Variants in DPP6 observed in about 807,000 individuals in gnomAD.
DPP6 encodes the protein dipeptidyl peptidase like 6, also known as A-type potassium channel modulatory protein DPP6.
In DPP6, 69 loss-of-function variants were observed where a neutral mutation model predicts 122.6. That is an observed-to-expected ratio of 0.56 (90% CI 0.46 to 0.69). The LOEUF is 0.69. Among genes scored for constraint, DPP6 ranks in the 30% least tolerant of loss-of-function variants. DPP6 has a pLI of 0.00. For synonymous variants in DPP6, 418 were observed against 433.1 expected (o/e 0.97, Z 0.43); for missense variants, 928 against 1,116.9 (o/e 0.83, Z 2.41).
In DPP6 at chr7:154,889,268, G is replaced by A. The variant is rs1215019213; in HGVS notation, c.2305-4G>A. On this transcript the variant is annotated splice_region_variant and splice_polypyrimidine_tract_variant and intron_variant, in intron 23 of 25. Coordinates refer to ENST00000377770, the MANE Select transcript of DPP6 (RefSeq NM_130797.4). ...ACTCTGTCCCCTTGCCCCCGCATGTGCAGATGACCAAGGTAGCCCATCGAG... is the reference window on the plus strand; with the variant it reads ...ACTCTGTCCCCTTGCCCCCGCATGTACAGATGACCAAGGTAGCCCATCGAG... 1.7e-5 allele frequency: 27 copies of A among 1,612,242 alleles called. No homozygotes were observed. Among genetic ancestry groups the A allele is most frequent in the Non-Finnish European group, 2.0e-5 (24 of 1,179,474 alleles).
At chr7:154,264,069 A>G (rs1803209562) in intron 1 of DPP6, among the ~76,000 whole-genome samples, 1 of 152,150 alleles carries the variant, frequency 6.6e-6, no homozygotes, top group East Asian at 1.9e-4. Flanking sequence ...TTACATGGCC[A>G]ACTAGAGTTC....
intron 1 of DPP6, among the ~76,000 whole-genome samples, chr7:154,168,038 C>G: frequency 6.6e-6 from 1 of 152,144 alleles, no homozygotes. Context: ...CTGTTAGATT[C>G]AATTGAGGCA....
At chr7:153,858,326 G>A in the DPP6 span, among the ~76,000 whole-genome samples, 1 of 152,188 alleles carries the variant, frequency 6.6e-6, no homozygotes, top group South Asian at 2.1e-4. Context: ...TCACCCAGGG[G>A]ATTGGTTCTG....
intron 16 of DPP6, chr7:154,838,675 C>T (rs1801279959): frequency 6.6e-6 from 1 of 152,244 alleles, no homozygotes; most frequent in African/African-American, 2.4e-5. Context: ...CCTAAGGACG[C>T]ACGTGCAAGA....
At chr7:154,705,417 G>A (rs1002096580) in intron 7 of DPP6, among the ~76,000 whole-genome samples, 4 of 152,086 alleles carry the variant, frequency 2.6e-5, no homozygotes, top group African/African-American at 4.8e-5. Flanking sequence ...TGTTCATCTC[G>A]CTCTCTTCCA....
intron 17 of DPP6, among the ~76,000 whole-genome samples, chr7:154,862,055 A>T (rs760846125): frequency 3.3e-5 from 5 of 152,136 alleles, no homozygotes; most frequent in African/African-American, 9.7e-5. Flanking sequence ...AAATCAAAGG[A>T]TGACAAGCCG....
intron 1 of DPP6, among the ~76,000 whole-genome samples, chr7:154,315,018 A>T (rs6464404): frequency 6.6e-6 from 1 of 151,666 alleles, no homozygotes; most frequent in East Asian, 1.9e-4. Context: ...TGCTGGATGC[A>T]TGAGGTTGTT....
At chr7:154,563,922 C>A (rs1249609367) in intron 4 of DPP6, among the ~76,000 whole-genome samples, 1 of 152,066 alleles carries the variant, frequency 6.6e-6, no homozygotes, top group Non-Finnish European at 1.5e-5. Flanking sequence ...GTTTTTAGAA[C>A]CATGAGACTG....
In DPP6 at chr7:154,282,825, C is replaced by T. The variant is rs147785172; in HGVS notation, c.244-163389C>T. 3.7e-3 allele frequency among the ~76,000 whole-genome samples: 568 copies of T among 152,186 alleles called. 5 individuals are homozygous for T. The highest frequency in any genetic ancestry group is 0.033 in the East Asian group (173 of 5,174). On this transcript the variant is annotated intron_variant, in intron 1 of 25. Transcript: ENST00000377770. This position sits in a 1 kb window ranked among gnomAD's most constrained non-coding sequence, Gnocchi z 4.8. ...GGGTTTAGAAATAACCACAAATAGG[C>T]CCATTTATAACAAGAGGTTGAAGGA...
In DPP6 at chr7:154,052,645, G is replaced by A; in HGVS notation, c.-176G>A. On this transcript the variant is annotated 5_prime_UTR_variant, in exon 1 of 26. Transcript: ENST00000377770. The surrounding 1 kb of genome is among the most constrained non-coding windows in gnomAD (Gnocchi z 4.8). Reference sequence around the variant, plus strand: ...GGCAGAGTCGCCAGCGGAGACTCGCGAGTGGCGCGCGGGAGGAGCGGCCGC... The same window carrying A: ...GGCAGAGTCGCCAGCGGAGACTCGCAAGTGGCGCGCGGGAGGAGCGGCCGC... 1 of 1,262,792 alleles carries A rather than the reference G, an allele frequency of 7.9e-7. No individual in the cohort carries two copies. The highest frequency in any genetic ancestry group is 3.4e-5 in the Admixed American group (1 of 29,598). 78.2% of individuals were successfully genotyped at this position (1,262,792 alleles called of 1,614,324 possible).
chr7:154,705,172 G>T (rs566738465), intron 7 of DPP6, among the ~76,000 whole-genome samples: 77 of 152,302 alleles, frequency 5.1e-4, no homozygotes, highest in African/African-American at 1.8e-3. Context: ...TGTAGCCAAA[G>T]AAGTGGATAT....
intron 1 of DPP6, among the ~76,000 whole-genome samples, chr7:154,138,672 TAAC>T (rs1795699345): frequency 6.6e-6 from 1 of 151,588 alleles, no homozygotes; most frequent in Admixed American, 6.6e-5. Flanking sequence ...CTAGGTGAAA[TAAC>T]AAAGGCTGGA....
chr7:153,905,812 A>G (rs1409714084), intron 1 of DPP6, among the ~76,000 whole-genome samples: 2 of 152,158 alleles, frequency 1.3e-5, no homozygotes, highest in South Asian at 2.1e-4. Flanking sequence ...CGTGGGAGCA[A>G]TGGGGAGGAC....
chr7:154,738,364 A>G (rs1842664790), intron 8 of DPP6, among the ~76,000 whole-genome samples: 1 of 152,198 alleles, frequency 6.6e-6, no homozygotes, highest in South Asian at 2.1e-4. Flanking sequence ...TGTTTCTGGT[A>G]CTGATTCCCA....
intron 3 of DPP6, among the ~76,000 whole-genome samples, chr7:154,497,173 C>T (rs908892480): frequency 3.3e-5 from 5 of 152,164 alleles, no homozygotes; most frequent in Admixed American, 6.5e-5. Flanking sequence ...TCACATCTGA[C>T]AGACTAAAAA....
intron 16 of DPP6, among the ~76,000 whole-genome samples, chr7:154,848,974 T>C (rs1348431206): frequency 1.4e-5 from 2 of 148,002 alleles, no homozygotes; most frequent in African/African-American, 5.0e-5. Flanking sequence ...TAACTGTAGA[T>C]GAATTGGTTT....
chr7:154,416,063 T>C (rs1376860447), intron 1 of DPP6, among the ~76,000 whole-genome samples: 1 of 152,066 alleles, frequency 6.6e-6, no homozygotes, highest in Non-Finnish European at 1.5e-5. Context: ...AAATAGAAAA[T>C]TCCAGAGATA....
chr7:154,335,177 A>G (rs115655392), intron 1 of DPP6, among the ~76,000 whole-genome samples: 2,445 of 152,348 alleles, frequency 0.016, 70 homozygotes, highest in African/African-American at 0.056. Context: ...TCTACTTAAC[A>G]TTGCCACGTT....
At chr7:154,323,636 C>A (rs773975251) in intron 1 of DPP6, among the ~76,000 whole-genome samples, 2 of 152,140 alleles carry the variant, frequency 1.3e-5, no homozygotes, top group Non-Finnish European at 1.5e-5. Flanking sequence ...GAGGAGAACT[C>A]CAGGAATAAT....
Sources: gnomAD v4.1 joint callset for allele counts (sites outside exome capture counted in the v4.1 genomes callset) on GRCh38, gnomAD v4.1.1 for gene constraint, Gnocchi (gnomAD v3.1) non-coding constraint, MANE v1.5 for transcripts, NCBI Gene and HGNC (gene_info 2026-07-23, HGNC 2026-07-21) for gene names.